The following ZFHX3 variants were observed in gnomAD, a reference collection of about 807,000 sequenced individuals.
The protein encoded by ZFHX3 is zinc finger homeobox protein 3.
In ZFHX3, 42 loss-of-function variants were observed where a neutral mutation model predicts 279.1. The ratio of observed to expected loss-of-function variants is 0.15; its 90% CI spans 0.12 to 0.19. ZFHX3 has a LOEUF of 0.19. Ranked by LOEUF, ZFHX3 falls within the 10% of genes least tolerant of loss-of-function variation. The probability of loss-of-function intolerance (pLI) is 1.00; values close to 1 mark genes in which losing one functional copy is unlikely to be tolerated. For synonymous variants in ZFHX3, 2,293 were observed against 1,957.8 expected (o/e 1.17, Z -4.52); for missense variants, 4,981 against 4,754.0 (o/e 1.05, Z -1.40).
chr16:73,773,367 CAT>C (rs1035869258), intron 1 of ZFHX3, among the ~76,000 whole-genome samples: 1 of 152,156 alleles, frequency 6.6e-6, no homozygotes, highest in Non-Finnish European at 1.5e-5. Flanking sequence ...CTACATTTTC[CAT>C]TATCATCAAA....
At chr16:73,411,938 G>A (rs976481299) in intron 3 of ZFHX3, among the ~76,000 whole-genome samples, 2 of 152,158 alleles carry the variant, frequency 1.3e-5, no homozygotes, top group African/African-American at 4.8e-5. Context: ...TGGTTCCTTT[G>A]TTGATGTATT....
At chr16:73,322,735 C>T (rs536778736) in intron 3 of ZFHX3, among the ~76,000 whole-genome samples, 1 of 152,316 alleles carries the variant, frequency 6.6e-6, no homozygotes, top group South Asian at 2.1e-4. Flanking sequence ...TGACCATTCC[C>T]TATTTACTGA....
intron 3 of ZFHX3, among the ~76,000 whole-genome samples, chr16:72,948,074 G>A (rs775218667): frequency 1.8e-4 from 28 of 152,304 alleles, no homozygotes; most frequent in East Asian, 3.9e-4. Flanking sequence ...GGCTGAGGGC[G>A]AGCACTGGAA....
At chr16:73,020,457 G>A (rs1406269382) in intron 1 of ZFHX3, among the ~76,000 whole-genome samples, 6 of 152,222 alleles carry the variant, frequency 3.9e-5, no homozygotes, top group Non-Finnish European at 5.9e-5. Context: ...CACACAGAGT[G>A]TAAGGGCCAA....
chr16:73,125,562 G>A (rs1195360834), intron 7 of ZFHX3, among the ~76,000 whole-genome samples: 2 of 152,114 alleles, frequency 1.3e-5, no homozygotes, highest in Non-Finnish European at 2.9e-5. Flanking sequence ...TCAGCTGCCA[G>A]TGCAGCTAGA....
Position 72,786,526 on chromosome 16 carries a change from T to C in ZFHX3, c.*638A>G, listed in dbSNP as rs138432306. On this transcript the variant is annotated 3_prime_UTR_variant, in exon 10 of 10. Transcript: ENST00000268489. ...GAAAGCTAAAGCAGTTCACATTGTT[T>C]TTCTTGAATACTTTCTGCCCATTTT... 1.9e-3 allele frequency: 284 copies of C among 151,094 alleles called. 2 individuals carry two copies. The highest frequency in any genetic ancestry group is 6.7e-3 in the African/African-American group (275 of 41,102). 9.4% of individuals were successfully genotyped at this position (151,094 alleles called of 1,614,324 possible). A position where few individuals can be genotyped will look rare whatever the true frequency, so the allele number is the denominator to read the frequency against.
intron 3 of ZFHX3, among the ~76,000 whole-genome samples, chr16:72,914,399 C>A (rs1043594255): frequency 2.0e-5 from 3 of 152,176 alleles, no homozygotes; most frequent in African/African-American, 4.8e-5. Flanking sequence ...CCCATCTCAG[C>A]CCCTATCTAC....
intron 5 of ZFHX3, among the ~76,000 whole-genome samples, chr16:73,190,831 A>G (rs1173666702): frequency 6.6e-6 from 1 of 152,036 alleles, no homozygotes; most frequent in African/African-American, 2.4e-5. Flanking sequence ...TGTGTGGGGG[A>G]GAGCAGAGTG....
intron 1 of ZFHX3, among the ~76,000 whole-genome samples, chr16:73,761,963 A>G (rs193137382): frequency 3.3e-5 from 5 of 152,328 alleles, no homozygotes; most frequent in Non-Finnish European, 7.3e-5. Context: ...CAATTGCAAC[A>G]AAAACCAAAC....
At chr16:73,515,173 T>C (rs898977604) in intron 2 of ZFHX3, among the ~76,000 whole-genome samples, 2 of 152,206 alleles carry the variant, frequency 1.3e-5, no homozygotes, top group Non-Finnish European at 2.9e-5. Context: ...TTGACCTAAA[T>C]TGTATTTTTG....
At chr16:73,276,665 T>C (rs2014310857) in intron 4 of ZFHX3, among the ~76,000 whole-genome samples, 2 of 152,200 alleles carry the variant, frequency 1.3e-5, no homozygotes, top group Admixed American at 6.5e-5. Flanking sequence ...TAGAGTGAAA[T>C]GGTGTTTTGA....
intron 3 of ZFHX3, among the ~76,000 whole-genome samples, chr16:73,344,714 C>T (rs887368453): frequency 6.6e-6 from 1 of 151,814 alleles, no homozygotes; most frequent in Admixed American, 6.6e-5. Context: ...GAGAGAGAGA[C>T]AGACAGACTG....
At chr16:73,135,039 A>G (rs1028113100) in intron 6 of ZFHX3, among the ~76,000 whole-genome samples, 1 of 152,196 alleles carries the variant, frequency 6.6e-6, no homozygotes, top group African/African-American at 2.4e-5. Context: ...TTGTTACTGC[A>G]TCATTACTTA....
At chr16:73,624,005 G>C (rs2052392910) in intron 2 of ZFHX3, among the ~76,000 whole-genome samples, 2 of 152,154 alleles carry the variant, frequency 1.3e-5, no homozygotes, top group African/African-American at 4.8e-5. Flanking sequence ...CCTTTGCAAA[G>C]TGACAGCTCA....
At chr16:72,971,273 A>T (rs1272603288) in intron 1 of ZFHX3, among the ~76,000 whole-genome samples, 3 of 152,162 alleles carry the variant, frequency 2.0e-5, no homozygotes, top group African/African-American at 7.2e-5. Context: ...TTTGCTGTTC[A>T]TTTTGCAATA....
At chr16:72,834,502 T>C (rs1351159608) in intron 4 of ZFHX3, among the ~76,000 whole-genome samples, 1 of 152,236 alleles carries the variant, frequency 6.6e-6, no homozygotes, top group East Asian at 1.9e-4. Context: ...CAAAGTGGTT[T>C]TGCTGACCAC....
chr16:72,932,322 G>A (rs1959859416), intron 3 of ZFHX3, among the ~76,000 whole-genome samples: 1 of 152,188 alleles, frequency 6.6e-6, no homozygotes, highest in South Asian at 2.1e-4. Context: ...AACGGATGAT[G>A]TCTTAGGTAC....
At chr16:72,917,690 T>C (rs112752645) in intron 3 of ZFHX3, among the ~76,000 whole-genome samples, 1,709 of 152,330 alleles carry the variant, frequency 0.011, 24 homozygotes, top group African/African-American at 0.038. Flanking sequence ...ATCACATCTG[T>C]ACAGAAGAGG....
chr16:72,934,419 C>T (rs1960004023), intron 3 of ZFHX3, among the ~76,000 whole-genome samples: 1 of 152,146 alleles, frequency 6.6e-6, no homozygotes, highest in African/African-American at 2.4e-5. Flanking sequence ...CAAGGCGAGA[C>T]TCTCTCAAAA....
Sources: allele counts gnomAD v4.1 joint callset (sites outside exome capture counted in the v4.1 genomes callset), GRCh38; gene constraint gnomAD v4.1.1; transcripts MANE v1.5; gene names NCBI Gene and HGNC (gene_info 2026-07-23, HGNC 2026-07-21).